The following IQSEC1 variants were observed in gnomAD, a reference collection of about 807,000 sequenced individuals.
IQSEC1 encodes the protein IQ motif and Sec7 domain ArfGEF 1, also known as IQ motif and SEC7 domain-containing protein 1.
Under a neutral mutation model 91.0 loss-of-function variants are expected in IQSEC1, and 31 were observed. The ratio of observed to expected loss-of-function variants is 0.34; its 90% CI spans 0.26 to 0.46. The LOEUF (loss-of-function observed/expected upper bound fraction) is 0.46. Among genes scored for constraint, IQSEC1 ranks in the 20% least tolerant of loss-of-function variants. The pLI, the probability that IQSEC1 is intolerant of heterozygous loss-of-function variation, is 1.00. For missense variants in IQSEC1, 1,388 were observed against 1,575.6 expected (o/e 0.88, Z 2.02); for synonymous variants, 699 against 662.6 (o/e 1.05, Z -0.84).
At chr3:13,132,945 G>C (rs1467517000) in intron 2 of IQSEC1, among the ~76,000 whole-genome samples, 1 of 152,246 alleles carries the variant, frequency 6.6e-6, no homozygotes, top group Non-Finnish European at 1.5e-5. Context: ...AGGAAGTAGG[G>C]AGGGGGTTGA....
rs1054317672 is a variant in IQSEC1, at chr3:12,941,620, C to T, written c.269G>A (p.Arg90His). ...QAEEEAIKRS[R>H]SLSESYELSS... Reference sequence around the variant, plus strand: ...GAGCTCATAGCTCTCGGAGAGTGAGCGTGAGCGCTTGATGGCCTCCTCCTC... The same window carrying T: ...GAGCTCATAGCTCTCGGAGAGTGAGTGTGAGCGCTTGATGGCCTCCTCCTC... Residue 90 changes from arginine to histidine, a missense_variant, in exon 2 of 14, where the codon CGC becomes CAC. Arg to His is a conservative substitution (Grantham distance 29). Around this residue, in one of 2 missense-constraint regions of IQSEC1, gnomAD observed 1,059 missense variants for 1,317.8 expected, o/e 0.80. Coordinates refer to ENST00000613206, the MANE Select transcript of IQSEC1 (RefSeq NM_001134382.3). 3.2e-5 allele frequency: 51 copies of T among 1,609,862 alleles called. No individual in the cohort carries two copies. The highest frequency in any genetic ancestry group is 3.8e-5 in the Non-Finnish European group (45 of 1,178,286).
intron 2 of IQSEC1, among the ~76,000 whole-genome samples, chr3:13,115,110 G>A (rs542934922): frequency 2.5e-4 from 38 of 152,320 alleles, no homozygotes; most frequent in African/African-American, 8.9e-4. Flanking sequence ...TCCTTCTAGC[G>A]GCCACAGGGA....
chr3:13,087,298 T>A (rs980794661), intron 2 of IQSEC1, among the ~76,000 whole-genome samples: 4 of 152,208 alleles, frequency 2.6e-5, no homozygotes, highest in African/African-American at 9.7e-5. Context: ...AGCTCCCAAA[T>A]TCATCCACCA....
At chr3:13,264,923 T>C (rs571091067) in intron 1 of IQSEC1, among the ~76,000 whole-genome samples, 1 of 152,114 alleles carries the variant, frequency 6.6e-6, no homozygotes, top group South Asian at 2.1e-4. Flanking sequence ...TCCCTCTCTC[T>C]TTCTGTTTCT....
chr3:13,038,248 A>ATG (rs57707910), intron 1 of IQSEC1, among the ~76,000 whole-genome samples: 53 of 116,358 alleles, frequency 4.6e-4, no homozygotes, highest in South Asian at 8.7e-4. Flanking sequence ...AAGTATATAT[A>ATG]TGTGTGTGTG....
intron 1 of IQSEC1, among the ~76,000 whole-genome samples, chr3:13,262,112 G>T (rs1317412927): frequency 2.0e-5 from 3 of 152,200 alleles, no homozygotes; most frequent in Non-Finnish European, 4.4e-5. Context: ...TGTGCTGGAT[G>T]CTCAAGAGTC....
chr3:13,270,927 T>C (rs1006059873), intron 1 of IQSEC1, among the ~76,000 whole-genome samples: 1 of 152,016 alleles, frequency 6.6e-6, no homozygotes, highest in Non-Finnish European at 1.5e-5. Context: ...ACAAATAGGC[T>C]GAAAATGAAA....
In IQSEC1 at chr3:12,899,361, G is replaced by A. The variant is rs765676378; in HGVS notation, c.*1622C>T. ...TGAAAGGGCCTCCGCCTGGGCAGGC[G>A]CCGGGGGGCAGTCCTCGGGTCCCAT... is the stretch of plus-strand genomic sequence containing the variant. On this transcript the variant is annotated 3_prime_UTR_variant, in exon 14 of 14. Coordinates refer to ENST00000613206, the MANE Select transcript of IQSEC1 (RefSeq NM_001134382.3). The A allele has an allele frequency of 1.7e-5, 28 of 1,610,332 alleles. No individual in the cohort carries two copies. Among genetic ancestry groups the A allele is most frequent in the East Asian group, 1.6e-4 (7 of 44,842 alleles).
intron 1 of IQSEC1, among the ~76,000 whole-genome samples, chr3:13,271,888 T>C (rs1695596008): frequency 6.6e-6 from 1 of 152,146 alleles, no homozygotes. Flanking sequence ...ACAGAGCAGG[T>C]AGGCAGACCA....
intron 1 of IQSEC1, among the ~76,000 whole-genome samples, chr3:13,255,765 A>C (rs1418271864): frequency 6.6e-6 from 1 of 152,170 alleles, no homozygotes. Flanking sequence ...TACAGGCACG[A>C]GCCACTGTAA....
intron 12 of IQSEC1, among the ~76,000 whole-genome samples, chr3:12,907,398 A>G (rs1405409757): frequency 6.6e-6 from 1 of 152,192 alleles, no homozygotes; most frequent in Non-Finnish European, 1.5e-5. Flanking sequence ...TTCCCAAAAC[A>G]GGCACACCAG....
At chr3:13,253,886 C>A (rs566602606) in intron 1 of IQSEC1, among the ~76,000 whole-genome samples, 46 of 152,264 alleles carry the variant, frequency 3.0e-4, no homozygotes, top group African/African-American at 1.1e-3. Context: ...AGAAGCAGAA[C>A]CCCATTAAGA....
Position 12,940,492 on chromosome 3 carries a change from G to A in IQSEC1, c.318+1079C>T, listed in dbSNP as rs1698648712. 6.6e-6 allele frequency among the ~76,000 whole-genome samples: 1 copy of A among 151,936 alleles called. No individual in the cohort carries two copies. The highest frequency in any genetic ancestry group is 1.5e-5 in the Non-Finnish European group (1 of 67,952). On this transcript the variant is annotated intron_variant, in intron 2 of 13. Transcript: ENST00000613206. The surrounding 1 kb of genome is among the most constrained non-coding windows in gnomAD (Gnocchi z 4.4). The stretch of plus-strand genomic sequence containing the variant: ...GAGGGCGGGCGGGGCCACAGGATGG[G>A]TGTGGGTGGGAGTGAAGGCCAGGGG...
intron 1 of IQSEC1, among the ~76,000 whole-genome samples, chr3:13,274,193 C>T (rs1306145292): frequency 6.6e-6 from 1 of 152,206 alleles, no homozygotes; most frequent in African/African-American, 2.4e-5. Flanking sequence ...CACAAACATG[C>T]CTGCCCCCGG....
chr3:12,909,473 T>G lies in IQSEC1; in HGVS notation c.2417-39A>C. 1 of 1,586,166 alleles carries G rather than the reference T, an allele frequency of 6.3e-7. No homozygotes were observed. The highest frequency in any genetic ancestry group is 8.6e-7 in the Non-Finnish European group (1 of 1,159,680). On this transcript the variant is annotated intron_variant, in intron 10 of 13. Coordinates refer to ENST00000613206, the MANE Select transcript of IQSEC1 (RefSeq NM_001134382.3). The surrounding 1 kb of genome is among the most constrained non-coding windows in gnomAD (Gnocchi z 4.9). The stretch of plus-strand genomic sequence containing the variant: ...GGAGAGGGGAGGAGGCCCACGGGTC[T>G]CAGTGTGTTCTCTGCAATCTCCTCT...
At chr3:13,135,273 C>A (rs1008772677) in intron 2 of IQSEC1, among the ~76,000 whole-genome samples, 4 of 152,212 alleles carry the variant, frequency 2.6e-5, no homozygotes, top group African/African-American at 9.7e-5. Context: ...AGGGACTGAG[C>A]CACAGTCATG....
chr3:13,168,575 A>T (rs2124995926), intron 1 of IQSEC1, among the ~76,000 whole-genome samples: 1 of 152,148 alleles, frequency 6.6e-6, no homozygotes, highest in East Asian at 1.9e-4. Flanking sequence ...GCCCACAAAG[A>T]CTGCAAGGTC....
chr3:13,049,076 G>A lies in IQSEC1; in HGVS notation c.23+23916C>T, dbSNP rs139786426. Among the ~76,000 whole-genome samples, 445 of 152,258 alleles carry A rather than the reference G, an allele frequency of 2.9e-3. 1 individual carries two copies. Among genetic ancestry groups the A allele is most frequent in the African/African-American group, 0.01 (423 of 41,544 alleles). On this transcript the variant is annotated intron_variant, in intron 1 of 13. Coordinates refer to ENST00000613206, the MANE Select transcript of IQSEC1 (RefSeq NM_001134382.3). ...GGATGGGCAACAGGTTTTATAGGAG[G>A]GAGAGCTAGCGGGGTGGCAAGCAGG... is the stretch of plus-strand genomic sequence containing the variant.
Position 13,008,078 on chromosome 3 carries a change from G to T in IQSEC1, c.23+64914C>A, listed in dbSNP as rs1559715294. On this transcript the variant is annotated intron_variant, in intron 1 of 13. Transcript: ENST00000613206. The surrounding 1 kb of genome is among the most constrained non-coding windows in gnomAD (Gnocchi z 4.1). The stretch of plus-strand genomic sequence containing the variant: ...CCCACCCCAGGAACCCCAGGGAGGG[G>T]CCAGGTGCCTGGCCTTCTGAGTGTC... Among the ~76,000 whole-genome samples, 1 of 152,216 alleles carries T rather than the reference G, an allele frequency of 6.6e-6. No individual in the cohort carries two copies. Among genetic ancestry groups the T allele is most frequent in the East Asian group, 1.9e-4 (1 of 5,200 alleles).
Sources: allele counts gnomAD v4.1 joint callset (sites outside exome capture counted in the v4.1 genomes callset), GRCh38; gene constraint gnomAD v4.1.1; regional missense constraint gnomAD v4.1.1; non-coding constraint Gnocchi (gnomAD v3.1); transcripts MANE v1.5; gene names NCBI Gene and HGNC (gene_info 2026-07-23, HGNC 2026-07-21).